The following PCDH15 variants were observed in gnomAD, a reference collection of about 807,000 sequenced individuals.
The protein encoded by PCDH15 is protocadherin related 15, also known as protocadherin-15.
A neutral mutation model predicts 178.5 loss-of-function variants in PCDH15; 129 were observed. The ratio of observed to expected loss-of-function variants is 0.72; its 90% CI spans 0.63 to 0.84. The LOEUF (loss-of-function observed/expected upper bound fraction) is 0.84, where lower values mean the gene tolerates loss of function less well. Ranked by LOEUF, PCDH15 falls within the 40% of genes least tolerant of loss-of-function variation. PCDH15 has a pLI of 0.00. For synonymous variants in PCDH15, 800 were observed against 732.0 expected, an observed-to-expected ratio of 1.09 and a Z score of -1.50; for missense variants, 2,230 against 2,099.9, an observed-to-expected ratio of 1.06 and a Z score of -1.21.
chr10:55,426,926 T>C (rs1838771777), intron 2 of PCDH15, among the ~76,000 whole-genome samples: 1 of 152,164 alleles, frequency 6.6e-6, no homozygotes, highest in Non-Finnish European at 1.5e-5. Flanking sequence ...TACACCCACC[T>C]GCTTCTCTTC....
At chr10:54,615,383 A>G (rs2093103996) in intron 2 of PCDH15, among the ~76,000 whole-genome samples, 1 of 152,094 alleles carries the variant, frequency 6.6e-6, no homozygotes, top group Admixed American at 6.6e-5. Flanking sequence ...TGGAAATTGT[A>G]GAATTGGGCA....
At chr10:54,382,359 T>A (rs1320148101) in intron 3 of PCDH15, among the ~76,000 whole-genome samples, 1 of 152,162 alleles carries the variant, frequency 6.6e-6, no homozygotes, top group African/African-American at 2.4e-5. Flanking sequence ...TAACTGCTAA[T>A]ATAGACTCTA....
chr10:54,632,410 CT>C (rs1211435533), intron 2 of PCDH15, among the ~76,000 whole-genome samples: 1 of 151,982 alleles, frequency 6.6e-6, no homozygotes, highest in Non-Finnish European at 1.5e-5. Context: ...CATGTGCCCC[CT>C]GAATCTAAAA....
intron 1 of PCDH15, among the ~76,000 whole-genome samples, chr10:55,226,027 G>A (rs1310233299): frequency 1.3e-5 from 2 of 151,996 alleles, no homozygotes; most frequent in Admixed American, 6.6e-5. Flanking sequence ...TAAGATTAAG[G>A]GTTGGAGGAG....
At position 55,431,811 on chromosome 10, in the gene PCDH15, A is replaced by G. The variant is rs1335226327; in HGVS notation, c.-156+195814T>C. On this transcript the variant is annotated intron_variant, in intron 2 of 5. Transcript: ENST00000613346. The stretch of plus-strand genomic sequence containing the variant: ...GAAACCCAAATGTCATCCCCATTAA[A>G]AATAGCCCATATAGATTAGTAAAGC... 1.2e-4 allele frequency among the ~76,000 whole-genome samples: 18 copies of G among 152,210 alleles called. No homozygotes were observed. In the East Asian group the frequency reaches 3.5e-3, roughly 29 times the overall value.
At chr10:53,827,908 T>G (rs1175463674) in intron 31 of PCDH15, among the ~76,000 whole-genome samples, 2 of 152,014 alleles carry the variant, frequency 1.3e-5, no homozygotes, top group African/African-American at 4.8e-5. Flanking sequence ...ATATTAAAGA[T>G]AAGATAGATA....
intron 3 of PCDH15, among the ~76,000 whole-genome samples, chr10:54,386,118 G>A (rs1949900589): frequency 6.6e-6 from 1 of 151,264 alleles, no homozygotes; most frequent in South Asian, 2.1e-4. Context: ...GTGTGTGTGT[G>A]TGTGTGTGTG....
chr10:55,246,035 T>G (rs1451174262), intron 1 of PCDH15, among the ~76,000 whole-genome samples: 1 of 152,170 alleles, frequency 6.6e-6, no homozygotes, highest in East Asian at 1.9e-4. Flanking sequence ...CAGAGCAGCA[T>G]CTGGAAAATC....
At chr10:55,413,097 T>C (rs1040138541) in intron 2 of PCDH15, among the ~76,000 whole-genome samples, 3 of 151,830 alleles carry the variant, frequency 2.0e-5, no homozygotes, top group Non-Finnish European at 2.9e-5. Flanking sequence ...AAAACACATA[T>C]AGGGTATATG....
intron 2 of PCDH15, among the ~76,000 whole-genome samples, chr10:55,453,565 C>T (rs1355822879): frequency 1.3e-5 from 2 of 152,036 alleles, no homozygotes; most frequent in Non-Finnish European, 2.9e-5. Flanking sequence ...CATGCATATA[C>T]TGAAAAAAGT....
At chr10:54,799,595 T>A (rs771525399) in intron 1 of PCDH15, among the ~76,000 whole-genome samples, 1 of 152,018 alleles carries the variant, frequency 6.6e-6, no homozygotes, top group African/African-American at 2.4e-5. Context: ...TAAGGGTAAT[T>A]TGGGGGGCAA....
rs1838955253 is a variant in PCDH15 at position 55,433,883 on chromosome 10, C to G, written c.-156+193742G>C. ...GTCACTGCACTGTTTATTGATCAAT[C>G]CTTTTTTCTCCTGTTGAGAAGTAGT... is the stretch of plus-strand genomic sequence containing the variant. On this transcript the variant is annotated intron_variant, in intron 2 of 5. Transcript: ENST00000613346. 2.0e-5 allele frequency among the ~76,000 whole-genome samples: 3 copies of G among 151,968 alleles called. No homozygotes were observed. In the South Asian group the frequency reaches 6.2e-4, roughly 32 times the overall value.
chr10:54,256,573 C>T (rs1304826278), intron 8 of PCDH15, among the ~76,000 whole-genome samples: 1 of 152,158 alleles, frequency 6.6e-6, no homozygotes, highest in Non-Finnish European at 1.5e-5. Context: ...TTTGAATACT[C>T]TGTTTTTTGG....
At chr10:54,267,559 TA>T (rs2057773490) in intron 8 of PCDH15, among the ~76,000 whole-genome samples, 1 of 151,496 alleles carries the variant, frequency 6.6e-6, no homozygotes, top group African/African-American at 2.4e-5. Flanking sequence ...TAAAGTTGAT[TA>T]AAAATTTCAG....
rs1389374635 is a variant in PCDH15 at position 54,449,804 on chromosome 10, A to G, written c.158-70862T>C. On this transcript the variant is annotated intron_variant, in intron 3 of 37. Transcript: ENST00000644397. ...CTAGGCCATTTTATTAAAGGACTTG[A>G]GCATCTGGAGATTTTGGTATCTGTT... Among the ~76,000 whole-genome samples the G allele has an allele frequency of 2.0e-5, 3 of 151,786 alleles. No homozygotes were observed. In the East Asian group the frequency reaches 5.8e-4, roughly 29 times the overall value.
At chr10:54,579,484 A>G (rs1429098295) in intron 2 of PCDH15, among the ~76,000 whole-genome samples, 1 of 152,150 alleles carries the variant, frequency 6.6e-6, no homozygotes. Flanking sequence ...CACCCAATTC[A>G]TAAAACAAAT....
intron 1 of PCDH15, among the ~76,000 whole-genome samples, chr10:55,245,181 G>T (rs1320937307): frequency 1.3e-5 from 2 of 152,034 alleles, no homozygotes; most frequent in East Asian, 3.9e-4. Context: ...TACTGCTTCA[G>T]TTCTATTTTC....
chr10:53,807,709 G>A (rs965824030), intron 37 of PCDH15, among the ~76,000 whole-genome samples: 2 of 151,854 alleles, frequency 1.3e-5, no homozygotes, highest in East Asian at 3.9e-4. Flanking sequence ...TTATTTACTT[G>A]ACATATCCTG....
At chr10:54,279,052 A>G (rs1289297188) in intron 8 of PCDH15, among the ~76,000 whole-genome samples, 3 of 151,646 alleles carry the variant, frequency 2.0e-5, no homozygotes, top group Non-Finnish European at 3.0e-5. Context: ...CTTTTTACAT[A>G]TATTCCTGTT....
Sources: allele counts gnomAD v4.1 joint callset (sites outside exome capture counted in the v4.1 genomes callset), GRCh38; gene constraint gnomAD v4.1.1; transcripts MANE v1.5; gene names NCBI Gene and HGNC (gene_info 2026-07-23, HGNC 2026-07-21).